The following TENM4 variants were observed in gnomAD, a reference collection of about 807,000 sequenced individuals.
TENM4 encodes the protein teneurin-4.
In TENM4, 82 loss-of-function variants were observed where a neutral mutation model predicts 243.3. The observed-to-expected ratio is 0.34, with a 90% CI of 0.28 to 0.40. The LOEUF (loss-of-function observed/expected upper bound fraction) is 0.40, where lower values mean the gene tolerates loss of function less well. Ranked by LOEUF, TENM4 falls within the 10% of genes least tolerant of loss-of-function variation. TENM4 has a pLI of 1.00. For missense variants in TENM4, 3,138 were observed against 3,673.3 expected, an observed-to-expected ratio of 0.85 and a Z score of 3.77; for synonymous variants, 1,412 against 1,456.3, an observed-to-expected ratio of 0.97 and a Z score of 0.69.
intron 10 of TENM4, among the ~76,000 whole-genome samples, chr11:78,862,689 A>G (rs1383529688): frequency 1.3e-5 from 2 of 152,162 alleles, no homozygotes; most frequent in Non-Finnish European, 2.9e-5. Flanking sequence ...AGCAGTGTGA[A>G]GCCCCTAATG....
intron 12 of TENM4, among the ~76,000 whole-genome samples, chr11:78,849,669 T>C (rs899753178): frequency 2.6e-5 from 4 of 152,076 alleles, no homozygotes; most frequent in African/African-American, 9.7e-5. Flanking sequence ...AGAAGGCAAA[T>C]TGCTAAAGGA....
At chr11:79,141,212 G>A (rs553434327) in intron 4 of TENM4, among the ~76,000 whole-genome samples, 19 of 152,016 alleles carry the variant, frequency 1.2e-4, no homozygotes, top group East Asian at 3.9e-4. Flanking sequence ...TTAAATCAGC[G>A]GCTCTTATTT....
At chr11:79,025,541 T>C (rs1375412446) in intron 6 of TENM4, among the ~76,000 whole-genome samples, 3 of 152,212 alleles carry the variant, frequency 2.0e-5, no homozygotes, top group Non-Finnish European at 4.4e-5. Flanking sequence ...TAATAGCTCA[T>C]TTAGCCTTTG....
intron 2 of TENM4, among the ~76,000 whole-genome samples, chr11:79,243,319 C>T (rs941571491): frequency 2.6e-5 from 4 of 151,972 alleles, no homozygotes; most frequent in Admixed American, 6.6e-5. Context: ...GCTGTCTTGT[C>T]GTTGTACTCG....
At chr11:79,175,752 T>C (rs558385876) in intron 3 of TENM4, among the ~76,000 whole-genome samples, 1 of 152,252 alleles carries the variant, frequency 6.6e-6, no homozygotes, top group East Asian at 1.9e-4. Context: ...CAAGAAAAAA[T>C]AAGTATAATT....
At chr11:79,171,127 C>T (rs2508241) in intron 3 of TENM4, among the ~76,000 whole-genome samples, 54,004 of 151,996 alleles carry the variant, frequency 0.36, 9,994 homozygotes, top group African/African-American at 0.45. Context: ...CTTCTCCTAT[C>T]TTACCTGTGA....
At chr11:78,793,280 C>T (rs554017763) in intron 15 of TENM4, among the ~76,000 whole-genome samples, 1 of 152,174 alleles carries the variant, frequency 6.6e-6, no homozygotes, top group Non-Finnish European at 1.5e-5. Context: ...GGGCCCCCGC[C>T]CAAAGATCTG....
chr11:78,975,388 G>C (rs141466564), intron 6 of TENM4, among the ~76,000 whole-genome samples: 47 of 152,178 alleles, frequency 3.1e-4, no homozygotes, highest in Non-Finnish European at 2.9e-5. Context: ...CACAAAGCAA[G>C]CTGGATTATC....
At chr11:79,439,557 G>A (rs1207206248) in intron 1 of TENM4, among the ~76,000 whole-genome samples, 1 of 152,062 alleles carries the variant, frequency 6.6e-6, no homozygotes, top group African/African-American at 2.4e-5. Context: ...GGCGGGCAGC[G>A]GGCAGCTAAC....
intron 2 of TENM4, among the ~76,000 whole-genome samples, chr11:79,241,745 G>C (rs1223553989): frequency 6.6e-6 from 1 of 152,064 alleles, no homozygotes; most frequent in Non-Finnish European, 1.5e-5. Context: ...TGTGTATGGT[G>C]GGGGGCGGAG....
chr11:78,788,085 T>C (rs1856977224), intron 15 of TENM4, among the ~76,000 whole-genome samples: 1 of 152,246 alleles, frequency 6.6e-6, no homozygotes, highest in African/African-American at 2.4e-5. Flanking sequence ...TCAATCCTTT[T>C]CATTTCTTTC....
At chr11:79,116,232 C>G (rs1046453658) in intron 4 of TENM4, among the ~76,000 whole-genome samples, 1 of 152,182 alleles carries the variant, frequency 6.6e-6, no homozygotes, top group Non-Finnish European at 1.5e-5. Flanking sequence ...CTCACTTATT[C>G]GGTGACACTT....
At chr11:78,754,846 C>T (rs1183455201) in intron 19 of TENM4, among the ~76,000 whole-genome samples, 1 of 152,204 alleles carries the variant, frequency 6.6e-6, no homozygotes, top group African/African-American at 2.4e-5. Context: ...AGGGTTCGGA[C>T]CATCAAGTAG....
At chr11:78,761,172 G>A (rs1043157745) in intron 18 of TENM4, among the ~76,000 whole-genome samples, 1 of 151,668 alleles carries the variant, frequency 6.6e-6, no homozygotes, top group African/African-American at 2.4e-5. Context: ...GTTAATTCTC[G>A]GAAGGCTTGC....
At chr11:79,406,134 T>C (rs537918325) in intron 1 of TENM4, among the ~76,000 whole-genome samples, 17 of 152,300 alleles carry the variant, frequency 1.1e-4, no homozygotes, top group Admixed American at 3.3e-4. Context: ...CTGTTCTCCC[T>C]ACACTGTAGC....
intron 6 of TENM4, among the ~76,000 whole-genome samples, chr11:79,041,509 T>A (rs34431927): frequency 0.7 from 101,019 of 144,092 alleles, 36,655 homozygotes; most frequent in Non-Finnish European, 0.83. Flanking sequence ...AAAAAAAAAA[T>A]CGAAGAAACA....
At chr11:78,851,705 G>A (rs769763646) in intron 12 of TENM4, among the ~76,000 whole-genome samples, 7 of 152,026 alleles carry the variant, frequency 4.6e-5, no homozygotes, top group East Asian at 1.9e-4. Context: ...CATCCTATCC[G>A]GAGAGAAAAA....
intron 1 of TENM4, among the ~76,000 whole-genome samples, chr11:79,395,433 T>G (rs1222431501): frequency 6.6e-6 from 1 of 152,188 alleles, no homozygotes; most frequent in Non-Finnish European, 1.5e-5. Flanking sequence ...GAGGATACTT[T>G]GGACAAGAAC....
Position 78,699,992 on chromosome 11 carries a change from CT to C in TENM4, c.5087+1533del, listed in dbSNP as rs112357118. ...CAAGATAATTGCTGTTTTCCTGGAT[CT>C]TTGTCTTTTCTTTGTAATTAACAAG... On this transcript the variant is annotated intron_variant, in intron 28 of 33. Transcript: ENST00000278550. Among the ~76,000 whole-genome samples the C allele has an allele frequency of 7.2e-3, 1,096 of 152,304 alleles. 11 individuals carry two copies. Among genetic ancestry groups the C allele is most frequent in the African/African-American group, 0.025 (1,035 of 41,548 alleles).
Sources: gnomAD v4.1 joint callset for allele counts (sites outside exome capture counted in the v4.1 genomes callset) on GRCh38, gnomAD v4.1.1 for gene constraint, MANE v1.5 for transcripts, NCBI Gene and HGNC (gene_info 2026-07-23, HGNC 2026-07-21) for gene names.